The following MADD variants were observed in gnomAD, a reference collection of about 807,000 sequenced individuals.
MADD encodes the protein MAP kinase activating death domain, also known as MAP kinase-activating death domain protein.
In MADD, 109 loss-of-function variants were observed where a neutral mutation model predicts 176.7. The observed-to-expected ratio is 0.62, with a 90% CI of 0.53 to 0.72. MADD has a LOEUF of 0.72. Among genes scored for constraint, MADD ranks in the 30% least tolerant of loss-of-function variants. The pLI is 0.00. For missense variants in MADD, 1,914 were observed against 2,045.5 expected, an observed-to-expected ratio of 0.94 and a Z score of 1.24; for synonymous variants, 771 against 771.3, an observed-to-expected ratio of 1.00 and a Z score of 0.01.
chr11:47,329,236 G>A, exon 33 of MADD: 1 of 1,015,658 alleles, frequency 9.8e-7, no homozygotes, highest in South Asian at 1.3e-5. Flanking sequence ...CTGTGACTGA[G>A]GAGTGGATGA....
chr11:47,279,073 A>G, exon 7 of MADD: 3 of 1,613,906 alleles, frequency 1.9e-6, no homozygotes, highest in South Asian at 2.2e-5. Flanking sequence ...AAAAGCATTT[A>G]AAGCAGGTAG....
exon 9 of MADD, chr11:47,282,487 G>C (rs1352555945): frequency 6.2e-7 from 1 of 1,614,080 alleles, no homozygotes; most frequent in South Asian, 1.1e-5. Context: ...TTTTCAAGCT[G>C]GCTCCTTTCT....
intron 2 of MADD, 62 bp downstream of exon 2, chr11:47,274,038 T>C (rs2047426376): frequency 1.0e-5 from 15 of 1,440,746 alleles, no homozygotes; most frequent in Non-Finnish European, 1.5e-5. Context: ...TCTGCAGTTG[T>C]TCCCTTCTCC....
chr11:47,324,585 C>T lies in MADD; in HGVS notation c.4542+8C>T, dbSNP rs376130809. ...AAATTCATGCACAATCAGGTAGGTGCGAGCGGCAGCACGAGGCTCCCTGTC... is the reference window on the plus strand; with the variant it reads ...AAATTCATGCACAATCAGGTAGGTGTGAGCGGCAGCACGAGGCTCCCTGTC... On this transcript the variant is annotated splice_region_variant and intron_variant, in intron 30 of 32. Coordinates refer to ENST00000402192, the Ensembl canonical transcript of MADD. 19 of 1,593,854 alleles carry T rather than the reference C, an allele frequency of 1.2e-5. No individual in the cohort carries two copies. Among genetic ancestry groups the T allele is most frequent in the African/African-American group, 6.7e-5 (5 of 74,712 alleles).
intron 22 of MADD, among the ~76,000 whole-genome samples, chr11:47,300,263 G>A (rs1277296646): frequency 6.9e-6 from 1 of 143,990 alleles, no homozygotes; most frequent in East Asian, 2.1e-4. Context: ...CTGGAGTGCA[G>A]TTGTGCGATC....
In MADD at chr11:47,298,688, A is replaced by G. The variant is rs1023948355; in HGVS notation, c.3642+2633A>G. On this transcript the variant is annotated intron_variant, in intron 22 of 32. Coordinates refer to ENST00000402192, the Ensembl canonical transcript of MADD. ...TTGTGTAGAAGCTTTTTAGTTTAATATAATCCTGTTTTTGCTTTTGCTTTT... is the reference window on the plus strand; with the variant it reads ...TTGTGTAGAAGCTTTTTAGTTTAATGTAATCCTGTTTTTGCTTTTGCTTTT... Among the ~76,000 whole-genome samples the G allele has an allele frequency of 4.6e-5, 7 of 152,166 alleles. No individual in the cohort carries two copies. In the East Asian group the frequency reaches 1.3e-3, roughly 29 times the overall value.
intron 22 of MADD, among the ~76,000 whole-genome samples, chr11:47,308,229 A>G (rs1008833710): frequency 3.3e-5 from 5 of 152,246 alleles, no homozygotes; most frequent in African/African-American, 1.2e-4. Context: ...ACCTAAGGTC[A>G]CACAGCTAAT....
intron 22 of MADD, among the ~76,000 whole-genome samples, chr11:47,306,907 G>A (rs2083207407): frequency 6.6e-6 from 1 of 151,826 alleles, no homozygotes; most frequent in Admixed American, 6.6e-5. Context: ...TTACTTTTGA[G>A]ACAAGGTCTT....
chr11:47,295,762 G>A (rs886358107), intron 21 of MADD, 135 bp from the exon 24 acceptor site: 1 of 1,521,294 alleles, frequency 6.6e-7, no homozygotes, highest in Non-Finnish European at 8.8e-7. Flanking sequence ...ATCTTATAAA[G>A]AAGGTACTTC....
intron 15 of MADD, among the ~76,000 whole-genome samples, chr11:47,287,409 TA>T (rs1187088644): frequency 2.6e-5 from 4 of 152,342 alleles, no homozygotes; most frequent in Admixed American, 2.0e-4. Context: ...TTTGATTTTT[TA>T]TTTTTTTTAT....
chr11:47,327,670 T>G (rs2095605656), intron 31 of MADD: 6 of 985,368 alleles, frequency 6.1e-6, no homozygotes, highest in African/African-American at 1.7e-5. Flanking sequence ...TGGGGGAATC[T>G]TCCAACTCGG....
exon 26 of MADD, chr11:47,311,782 G>A (rs12099357): frequency 6.8e-6 from 11 of 1,613,852 alleles, no homozygotes; most frequent in East Asian, 2.2e-5. Context: ...TGGGAAAGTC[G>A]CACATTGGGC....
chr11:47,315,812 A>G (rs1375714857), intron 27 of MADD, among the ~76,000 whole-genome samples: 1 of 145,956 alleles, frequency 6.9e-6, no homozygotes, highest in African/African-American at 2.6e-5. Flanking sequence ...TAAATTTTAT[A>G]TAGTAGATGA....
chr11:47,317,201 CTTAA>C (rs2093330175), intron 27 of MADD, among the ~76,000 whole-genome samples: 1 of 152,158 alleles, frequency 6.6e-6, no homozygotes, highest in Non-Finnish European at 1.5e-5. Flanking sequence ...GTGACTGTGC[CTTAA>C]TTTATTTAAC....
At chr11:47,273,763 A>T in intron 1 of MADD, 64 bp from the exon 2 acceptor site, 1 of 615,500 alleles carries the variant, frequency 1.6e-6, no homozygotes, top group Non-Finnish European at 2.9e-6. Flanking sequence ...GCCGGGAAGA[A>T]GTTGAGAGGG....
At chr11:47,271,612 G>A (rs955230414) in intron 1 of MADD, among the ~76,000 whole-genome samples, 5 of 152,126 alleles carry the variant, frequency 3.3e-5, no homozygotes, top group African/African-American at 1.2e-4. Context: ...GTTGGAGAGG[G>A]CTCCGGGTTT....
intron 18 of MADD, 40 bp downstream of exon 19, chr11:47,290,339 T>A: frequency 2.5e-6 from 4 of 1,601,292 alleles, no homozygotes; most frequent in Non-Finnish European, 1.7e-6. Context: ...CATCCCTAAC[T>A]CTGCCACTTG....
chr11:47,280,778 G>A (rs1233800550), intron 7 of MADD, among the ~76,000 whole-genome samples: 2 of 152,136 alleles, frequency 1.3e-5, no homozygotes, highest in Non-Finnish European at 2.9e-5. Flanking sequence ...TGTTGGCCAG[G>A]CTGGTCTCAA....
exon 28 of MADD, chr11:47,323,714 T>A: frequency 6.2e-7 from 1 of 1,614,098 alleles, no homozygotes; most frequent in Non-Finnish European, 8.5e-7. Context: ...ATCGGAACAG[T>A]GTATGAGCGC....
Sources: gnomAD v4.1 joint callset for allele counts (sites outside exome capture counted in the v4.1 genomes callset) on GRCh38, gnomAD v4.1.1 for gene constraint, MANE v1.5 for transcripts, NCBI Gene and HGNC (gene_info 2026-07-23, HGNC 2026-07-21) for gene names.